The following RGS12 variants were observed in gnomAD, a reference collection of about 807,000 sequenced individuals.
RGS12 encodes the protein regulator of G protein signaling 12.
RGS12 carries 66 observed loss-of-function variants against 120.1 expected under a neutral mutation model. The ratio of observed to expected loss-of-function variants is 0.55; its 90% CI spans 0.45 to 0.67. RGS12 has a LOEUF of 0.67. Ranked by LOEUF, RGS12 falls within the 30% of genes least tolerant of loss-of-function variation. The pLI is 0.00. For synonymous variants in RGS12, 827 were observed against 804.7 expected (o/e 1.03, Z -0.47); for missense variants, 1,859 against 1,957.7 (o/e 0.95, Z 0.95).
At chr4:3,381,764 C>G (rs1299413128) in intron 3 of RGS12, among the ~76,000 whole-genome samples, 1 of 152,198 alleles carries the variant, frequency 6.6e-6, no homozygotes, top group Non-Finnish European at 1.5e-5. Context: ...CACAACAAAA[C>G]CATATCACCT....
At chr4:3,412,173 G>A (rs1319808977) in intron 4 of RGS12, among the ~76,000 whole-genome samples, 1 of 152,010 alleles carries the variant, frequency 6.6e-6, no homozygotes, top group East Asian at 1.9e-4. Context: ...AATGCTCTTC[G>A]CACTTTGAAT....
At chr4:3,301,360 C>T (rs1560638728) in intron 1 of RGS12, among the ~76,000 whole-genome samples, 1 of 151,826 alleles carries the variant, frequency 6.6e-6, no homozygotes. Flanking sequence ...AGCAAAAGGA[C>T]CCCTTCAGGC....
At chr4:3,320,265 C>T (rs762189726) in intron 2 of RGS12, among the ~76,000 whole-genome samples, 6 of 152,208 alleles carry the variant, frequency 3.9e-5, no homozygotes, top group Non-Finnish European at 8.8e-5. Context: ...GAATGGACTC[C>T]TCCTTGGGGC....
rs1334653443 is a variant in RGS12, at chr4:3,389,357, T to C, written c.2020+2920T>C. ...CAGCTGGAGAGAAGGAAGCACATTC[T>C]AGCATTATAGAGAGGCTTAGCAGGG... On this transcript the variant is annotated intron_variant, in intron 4 of 17. Transcript: ENST00000336727. This position sits in a 1 kb window ranked among gnomAD's most constrained non-coding sequence, Gnocchi z 5.2. Among the ~76,000 whole-genome samples, 1 of 152,146 alleles carries C rather than the reference T, an allele frequency of 6.6e-6. No homozygotes were observed. Among genetic ancestry groups the C allele is most frequent in the Non-Finnish European group, 1.5e-5 (1 of 68,030 alleles).
At position 3,316,659 on chromosome 4, in the gene RGS12, C is replaced by T. The variant is rs1204388163; in HGVS notation, c.489C>T (p.Pro163=). The part of the protein sequence containing the change: ...NPSLCASNSE[P]LKLKQRSLSE... ...GCCTTTGTGCGAGCAATTCAGAGCCCTTGAAATTGAAACAAAGATCCCTTT... is the reference window on the plus strand; with the variant it reads ...GCCTTTGTGCGAGCAATTCAGAGCCTTTGAAATTGAAACAAAGATCCCTTT... Residue 163 remains proline (P), a synonymous_variant, in exon 2 of 18, where the codon CCC becomes CCT. Coordinates refer to ENST00000336727, the MANE Select transcript of RGS12 (RefSeq NM_001394154.1). 6.2e-7 allele frequency: 1 copy of T among 1,614,070 alleles called. No homozygotes were observed. Among genetic ancestry groups the T allele is most frequent in the Admixed American group, 1.7e-5 (1 of 60,016 alleles).
At chr4:3,295,265 G>T (rs1345389539) in intron 1 of RGS12, among the ~76,000 whole-genome samples, 1 of 152,208 alleles carries the variant, frequency 6.6e-6, no homozygotes, top group Non-Finnish European at 1.5e-5. Flanking sequence ...AGCGCTTCCG[G>T]CTGATAGAAG....
At chr4:3,387,543 G>A (rs16844254) in intron 4 of RGS12, among the ~76,000 whole-genome samples, 7,643 of 152,286 alleles carry the variant, frequency 0.05, 615 homozygotes, top group African/African-American at 0.17. Context: ...GCCGAGACCA[G>A]AGGGATCCCG....
chr4:3,382,905 C>T (rs995331038), intron 3 of RGS12, among the ~76,000 whole-genome samples: 1 of 152,180 alleles, frequency 6.6e-6, no homozygotes, highest in Non-Finnish European at 1.5e-5. Flanking sequence ...ACTCAACGCT[C>T]TGCATTAGAT....
At chr4:3,289,964 T>C (rs1722974948), upstream of RGS12, among the ~76,000 whole-genome samples, 1 of 152,260 alleles carries the variant, frequency 6.6e-6, no homozygotes, top group Admixed American at 6.5e-5. Flanking sequence ...CCCAGGTTTA[T>C]CTGTGTTGTT....
chr4:3,392,204 C>T (rs148287358), intron 4 of RGS12, among the ~76,000 whole-genome samples: 18 of 152,246 alleles, frequency 1.2e-4, no homozygotes, highest in African/African-American at 4.3e-4. Context: ...AAGATCCTTC[C>T]CCTACCCCCA....
intron 17 of RGS12, among the ~76,000 whole-genome samples, chr4:3,436,220 G>A (rs370911090): frequency 2.6e-4 from 39 of 152,150 alleles, no homozygotes; most frequent in African/African-American, 9.4e-4. Context: ...GCAGGAGCCC[G>A]TGGGGTGCGC....
intron 7 of RGS12, among the ~76,000 whole-genome samples, chr4:3,416,573 G>A (rs975196285): frequency 1.3e-5 from 2 of 152,240 alleles, no homozygotes; most frequent in African/African-American, 2.4e-5. Flanking sequence ...TTTCAAAGCA[G>A]TCTACTGTAA....
At chr4:3,342,593 T>G (rs567259126) in intron 2 of RGS12, 1,364 of 1,315,774 alleles carry the variant, frequency 1.0e-3, no homozygotes, top group Non-Finnish European at 1.2e-3. Flanking sequence ...TGTGTCCACT[T>G]TCCAAGCACC....
intron 2 of RGS12, chr4:3,342,575 C>T (rs1194616488): frequency 5.4e-6 from 7 of 1,306,610 alleles, no homozygotes; most frequent in Admixed American, 2.3e-5. Context: ...TCTTTACTCT[C>T]AGTGTACTGT....
At chr4:3,305,580 G>T (rs1385274154) in intron 1 of RGS12, among the ~76,000 whole-genome samples, 4 of 152,324 alleles carry the variant, frequency 2.6e-5, no homozygotes, top group African/African-American at 4.8e-5. Flanking sequence ...TGCCATCATG[G>T]CAAGCACCAC....
intron 1 of RGS12, among the ~76,000 whole-genome samples, chr4:3,303,630 G>C (rs1723806432): frequency 6.6e-6 from 1 of 152,212 alleles, no homozygotes; most frequent in Non-Finnish European, 1.5e-5. Flanking sequence ...AACTAAGCCA[G>C]CTTGTCTCCC....
At chr4:3,311,656 A>G (rs1486202922) in intron 1 of RGS12, among the ~76,000 whole-genome samples, 5 of 152,214 alleles carry the variant, frequency 3.3e-5, no homozygotes, top group South Asian at 2.1e-4. Flanking sequence ...CATGCACAAA[A>G]TTATCAAAAG....
At chr4:3,335,475 C>T (rs566629263) in intron 2 of RGS12, among the ~76,000 whole-genome samples, 2 of 152,312 alleles carry the variant, frequency 1.3e-5, no homozygotes, top group African/African-American at 2.4e-5. Context: ...ACAGGGTCTC[C>T]GCATCACCTT....
In RGS12 at chr4:3,366,021, G is replaced by A. The variant is rs879752656; in HGVS notation, c.1999-20395G>A. On this transcript the variant is annotated intron_variant, in intron 3 of 17. Coordinates refer to ENST00000336727, the MANE Select transcript of RGS12 (RefSeq NM_001394154.1). This position sits in a 1 kb window ranked among gnomAD's most constrained non-coding sequence, Gnocchi z 4.0. ...TCCTGGATGGGCTGCATGGGGCACC[G>A]TTGCGTGGGGCGTGCTCGAGGTGGA... 1.3e-5 allele frequency among the ~76,000 whole-genome samples: 2 copies of A among 152,146 alleles called. No homozygotes were observed. Among genetic ancestry groups the A allele is most frequent in the East Asian group, 1.9e-4 (1 of 5,188 alleles).
Sources: allele counts gnomAD v4.1 joint callset (sites outside exome capture counted in the v4.1 genomes callset), GRCh38; gene constraint gnomAD v4.1.1; non-coding constraint Gnocchi (gnomAD v3.1); transcripts MANE v1.5; gene names NCBI Gene and HGNC (gene_info 2026-07-23, HGNC 2026-07-21).